The following DLG2 variants were observed in gnomAD, a reference collection of about 807,000 sequenced individuals.
DLG2 encodes the protein disks large homolog 2.
DLG2 carries 45 observed loss-of-function variants against 132.5 expected under a neutral mutation model. The observed-to-expected ratio is 0.34, with a 90% CI of 0.27 to 0.44. The LOEUF is 0.44. Ranked by LOEUF, DLG2 falls within the 20% of genes least tolerant of loss-of-function variation. DLG2 has a pLI of 1.00. For synonymous variants in DLG2, 424 were observed against 419.6 expected, an observed-to-expected ratio of 1.01 and a Z score of -0.13; for missense variants, 1,045 against 1,196.9, an observed-to-expected ratio of 0.87 and a Z score of 1.87.
intron 7 of DLG2, among the ~76,000 whole-genome samples, chr11:84,349,214 T>G (rs1380434380): frequency 1.3e-5 from 2 of 152,174 alleles, no homozygotes; most frequent in Non-Finnish European, 2.9e-5. Flanking sequence ...GATTTTCATC[T>G]TATTAGTAAA....
intron 11 of DLG2, among the ~76,000 whole-genome samples, chr11:84,032,811 T>G (rs1398700644): frequency 6.6e-6 from 1 of 152,124 alleles, no homozygotes; most frequent in East Asian, 1.9e-4. Context: ...TGACTTTAAG[T>G]GGAAGCCAAT....
chr11:84,279,714 A>G (rs2097831698), intron 7 of DLG2, among the ~76,000 whole-genome samples: 1 of 152,166 alleles, frequency 6.6e-6, no homozygotes, highest in Non-Finnish European at 1.5e-5. Flanking sequence ...AAGAAGAAAA[A>G]ACCAAACACC....
chr11:85,481,173 G>A (rs2093279294), intron 3 of DLG2, among the ~76,000 whole-genome samples: 1 of 151,848 alleles, frequency 6.6e-6, no homozygotes, highest in African/African-American at 2.4e-5. Context: ...CTTCTGGAAA[G>A]GTTTGTGTTT....
At chr11:83,747,629 C>T (rs2153730309) in intron 18 of DLG2, among the ~76,000 whole-genome samples, 1 of 152,276 alleles carries the variant, frequency 6.6e-6, no homozygotes, top group African/African-American at 2.4e-5. Context: ...AAACTATCCA[C>T]ACATCTTGGC....
chr11:85,145,368 T>A (rs2076771873), intron 5 of DLG2, among the ~76,000 whole-genome samples: 1 of 152,190 alleles, frequency 6.6e-6, no homozygotes, highest in South Asian at 2.1e-4. Flanking sequence ...ATATTTTTTC[T>A]AGGTTTGGAA....
intron 7 of DLG2, among the ~76,000 whole-genome samples, chr11:84,473,860 C>A (rs117934069): frequency 1.7e-4 from 26 of 152,038 alleles, no homozygotes; most frequent in Non-Finnish European, 2.9e-4. Flanking sequence ...AATATTTATG[C>A]CTTAAAAGCA....
chr11:85,003,691 T>C (rs186757553), intron 6 of DLG2, among the ~76,000 whole-genome samples: 1 of 152,252 alleles, frequency 6.6e-6, no homozygotes, highest in Non-Finnish European at 1.5e-5. Flanking sequence ...TCTAGTCCTA[T>C]AGATAGATGG....
intron 3 of DLG2, among the ~76,000 whole-genome samples, chr11:85,289,256 C>T (rs1252016669): frequency 2.0e-5 from 3 of 151,992 alleles, no homozygotes; most frequent in African/African-American, 7.2e-5. Flanking sequence ...ACTTTCCAAG[C>T]ATCTCTCTTT....
At chr11:84,528,407 A>C (rs2099327743) in intron 7 of DLG2, among the ~76,000 whole-genome samples, 1 of 152,234 alleles carries the variant, frequency 6.6e-6, no homozygotes, top group Admixed American at 6.5e-5. Flanking sequence ...TGCACCAAAG[A>C]CAGATGAATC....
chr11:85,096,177 C>A (rs957686635), intron 6 of DLG2, among the ~76,000 whole-genome samples: 1 of 152,132 alleles, frequency 6.6e-6, no homozygotes, highest in East Asian at 1.9e-4. Flanking sequence ...AGGATGTGGG[C>A]GGGGCCAAAT....
chr11:84,998,405 G>A (rs1403397985), intron 6 of DLG2, among the ~76,000 whole-genome samples: 2 of 152,250 alleles, frequency 1.3e-5, no homozygotes, highest in Middle Eastern at 3.4e-3. Flanking sequence ...CTTCCACCAT[G>A]ATTCTAAGTT....
chr11:83,680,398 A>T (rs1365388833), intron 18 of DLG2, among the ~76,000 whole-genome samples: 1 of 152,216 alleles, frequency 6.6e-6, no homozygotes, highest in Non-Finnish European at 1.5e-5. Context: ...AGGACCCTTC[A>T]GCTGTGTGAC....
chr11:85,419,412 T>G (rs1157675997), intron 3 of DLG2, among the ~76,000 whole-genome samples: 1 of 152,226 alleles, frequency 6.6e-6, no homozygotes, highest in Non-Finnish European at 1.5e-5. Flanking sequence ...TTGGGATTGC[T>G]CTTCTTGAGG....
At chr11:83,584,807 T>C (rs530100509) in intron 19 of DLG2, among the ~76,000 whole-genome samples, 2 of 152,298 alleles carry the variant, frequency 1.3e-5, no homozygotes, top group Admixed American at 6.5e-5. Flanking sequence ...GATTGTAGTG[T>C]CAAAATCAGT....
intron 6 of DLG2, among the ~76,000 whole-genome samples, chr11:84,963,543 T>G (rs2052897271): frequency 1.3e-5 from 2 of 152,308 alleles, no homozygotes; most frequent in South Asian, 4.1e-4. Context: ...TCTTTTCATT[T>G]AGATTAAAAA....
chr11:84,608,484 T>C (rs2099589705), intron 6 of DLG2, among the ~76,000 whole-genome samples: 1 of 152,148 alleles, frequency 6.6e-6, no homozygotes, highest in African/African-American at 2.4e-5. Context: ...AAACACTTCA[T>C]ATCAAATTAA....
intron 4 of DLG2, among the ~76,000 whole-genome samples, chr11:85,264,434 C>T (rs2077098911): frequency 6.6e-6 from 1 of 152,116 alleles, no homozygotes; most frequent in African/African-American, 2.4e-5. Context: ...CTTCTTCTCA[C>T]CATCAAAACA....
intron 14 of DLG2, among the ~76,000 whole-genome samples, chr11:83,946,376 G>T (rs571540218): frequency 4.6e-5 from 7 of 152,156 alleles, no homozygotes; most frequent in Non-Finnish European, 1.0e-4. Flanking sequence ...AGAATCACCT[G>T]TGGATATTTT....
chr11:84,464,164 C>G (rs1419876219), intron 7 of DLG2, among the ~76,000 whole-genome samples: 1 of 151,156 alleles, frequency 6.6e-6, no homozygotes, highest in African/African-American at 2.4e-5. Context: ...GGGCTGTGCT[C>G]TGTGCTCTGG....
Sources: allele counts gnomAD v4.1 joint callset (sites outside exome capture counted in the v4.1 genomes callset), GRCh38; gene constraint gnomAD v4.1.1; transcripts MANE v1.5; gene names NCBI Gene and HGNC (gene_info 2026-07-23, HGNC 2026-07-21).